The following C9orf153 variants were observed in gnomAD, a reference collection of about 807,000 sequenced individuals.
C9orf153 encodes uncharacterized protein C9orf153.
C9orf153 carries 10 observed loss-of-function variants against 9.0 expected under a neutral mutation model. The ratio of observed to expected loss-of-function variants is 1.11; its 90% confidence interval spans 0.69 to 1.89. C9orf153 has a LOEUF of 1.89. Ranked by LOEUF, C9orf153 falls within the 40% of genes most tolerant of loss-of-function variation. The pLI is 0.00. For synonymous variants in C9orf153, 35 were observed against 37.3 expected, an observed-to-expected ratio of 0.94 and a Z score of 0.23; for missense variants, 108 against 111.0, an observed-to-expected ratio of 0.97 and a Z score of 0.12.
intron 1 of C9orf153, among the ~76,000 whole-genome samples, chr9:86,257,726 C>T (rs1333048168): frequency 6.6e-6 from 1 of 152,198 alleles, no homozygotes; most frequent in Non-Finnish European, 1.5e-5. Context: ...CAATTTACTA[C>T]TGCTGATATA....
chr9:86,252,333 CCTTT>C (rs1350662143), intron 1 of C9orf153, among the ~76,000 whole-genome samples: 1 of 152,138 alleles, frequency 6.6e-6, no homozygotes, highest in African/African-American at 2.4e-5. Context: ...CACACCTGGC[CCTTT>C]ATTTGGCTTT....
chr9:86,253,005 T>A (rs1010395273), intron 1 of C9orf153, among the ~76,000 whole-genome samples: 1 of 151,856 alleles, frequency 6.6e-6, no homozygotes. Context: ...TTTTTTTTTT[T>A]AAGCTATTGG....
At chr9:86,223,718 C>T (rs1403224216) in intron 3 of C9orf153, among the ~76,000 whole-genome samples, 2 of 152,166 alleles carry the variant, frequency 1.3e-5, no homozygotes, top group African/African-American at 4.8e-5. Flanking sequence ...TAAAAGAGGA[C>T]AGAAGTGTCA....
At chr9:86,235,688 G>A (rs936192683) in intron 1 of C9orf153, among the ~76,000 whole-genome samples, 1 of 123,550 alleles carries the variant, frequency 8.1e-6, no homozygotes, top group Non-Finnish European at 1.6e-5. Context: ...GTTGCACTGA[G>A]CCAAGATCGC....
intron 1 of C9orf153, among the ~76,000 whole-genome samples, chr9:86,234,676 G>A (rs549592057): frequency 9.2e-5 from 14 of 152,258 alleles, no homozygotes; most frequent in African/African-American, 3.4e-4. Flanking sequence ...CGTATAACAC[G>A]AAAACATAAG....
At chr9:86,255,679 G>T (rs943202134) in intron 1 of C9orf153, among the ~76,000 whole-genome samples, 2 of 152,128 alleles carry the variant, frequency 1.3e-5, no homozygotes, top group African/African-American at 4.8e-5. Flanking sequence ...ACCTCAAGAT[G>T]GTATGTAAGC....
At chr9:86,256,115 C>T (rs572522968) in intron 1 of C9orf153, among the ~76,000 whole-genome samples, 4 of 152,064 alleles carry the variant, frequency 2.6e-5, no homozygotes, top group African/African-American at 7.2e-5. Flanking sequence ...GATTCTGATG[C>T]GTGAAATATC....
chr9:86,227,889 C>T lies in C9orf153; in HGVS notation c.208G>A (p.Ala70Thr), dbSNP rs73650939. Residue 70 changes from alanine (A) to threonine (T), a missense_variant, in exon 3 of 4, where the codon GCT becomes ACT. By Grantham distance (58) the Ala-to-Thr change is moderately conservative. Transcript: ENST00000339137. ...GGTTGGAGATCTCCTCTCACATCAG[C>T]GCCCCTGGTGAATGACATGACATTC... is the stretch of plus-strand genomic sequence containing the variant. ...NLNVMSFTRG[A>T]DVRGDLQPVI... 20,118 of 1,613,504 alleles carry T rather than the reference C, an allele frequency of 0.012. 1,880 individuals are homozygous for T. In the African/African-American group the frequency reaches 0.22, roughly 17 times the overall value.
chr9:86,235,450 A>C (rs1291509626), intron 1 of C9orf153, among the ~76,000 whole-genome samples: 3 of 152,154 alleles, frequency 2.0e-5, no homozygotes, highest in Non-Finnish European at 4.4e-5. Flanking sequence ...AGAACGTTCC[A>C]AACCTGAAAA....
At chr9:86,239,011 C>T (rs902591549) in intron 1 of C9orf153, among the ~76,000 whole-genome samples, 2 of 151,062 alleles carry the variant, frequency 1.3e-5, no homozygotes, top group Admixed American at 1.3e-4. Flanking sequence ...CCTGTAATCC[C>T]ACCACTTTGG....
intron 3 of C9orf153, among the ~76,000 whole-genome samples, chr9:86,226,834 T>G (rs527524967): frequency 6.6e-6 from 1 of 152,158 alleles, no homozygotes; most frequent in African/African-American, 2.4e-5. Context: ...GTGCGATCTC[T>G]GCTCACTGCA....
chr9:86,223,067 G>C (rs2131169628), intron 3 of C9orf153, among the ~76,000 whole-genome samples: 1 of 152,308 alleles, frequency 6.6e-6, no homozygotes, highest in East Asian at 1.9e-4. Context: ...GTGTTCAGCA[G>C]TCCATTCATA....
intron 3 of C9orf153, chr9:86,227,521 A>C: frequency 7.3e-7 from 1 of 1,366,232 alleles, no homozygotes; most frequent in Non-Finnish European, 9.4e-7. Flanking sequence ...TTTCTCCCAC[A>C]TGGCCTCATC....
chr9:86,231,408 G>A (rs1228469563), intron 1 of C9orf153, among the ~76,000 whole-genome samples: 1 of 152,100 alleles, frequency 6.6e-6, no homozygotes, highest in African/African-American at 2.4e-5. Flanking sequence ...TCTAGGTACA[G>A]GGTACCACTG....
At position 86,258,873 on chromosome 9, in the gene C9orf153, G is replaced by A. The variant is rs546623162; in HGVS notation, c.-27+677C>T. Among the ~76,000 whole-genome samples, 19 of 150,938 alleles carry A rather than the reference G, an allele frequency of 1.3e-4. No homozygotes were observed. The East Asian group carries it at 1.7e-3, about 14-fold the overall frequency. The stretch of plus-strand genomic sequence containing the variant: ...TTTACTACTTATGTTTGTGTGGTAC[G>A]TTTGTTATACTTGATGAGCCGGTAT... On this transcript the variant is annotated intron_variant, in intron 1 of 3. Transcript: ENST00000339137.
chr9:86,240,300 T>C (rs1444741698), intron 1 of C9orf153, among the ~76,000 whole-genome samples: 1 of 152,092 alleles, frequency 6.6e-6, no homozygotes, highest in Non-Finnish European at 1.5e-5. Flanking sequence ...CACAGTTTTA[T>C]ATATTATGCT....
At chr9:86,240,760 G>T (rs1238129042) in intron 1 of C9orf153, among the ~76,000 whole-genome samples, 1 of 130,272 alleles carries the variant, frequency 7.7e-6, no homozygotes, top group African/African-American at 2.7e-5. Context: ...CCAGGCTAAA[G>T]TGCAGTGGTA....
chr9:86,225,665 T>G (rs1457464445), intron 3 of C9orf153, among the ~76,000 whole-genome samples: 1 of 152,138 alleles, frequency 6.6e-6, no homozygotes, highest in African/African-American at 2.4e-5. Flanking sequence ...TTCACCATGT[T>G]GTCCAGACAG....
intron 1 of C9orf153, among the ~76,000 whole-genome samples, chr9:86,238,893 T>A (rs1423523324): frequency 6.6e-6 from 1 of 151,750 alleles, no homozygotes; most frequent in African/African-American, 2.4e-5. Context: ...AGGAAATTTT[T>A]AAAATAATAT....
Sources: allele counts gnomAD v4.1 joint callset (sites outside exome capture counted in the v4.1 genomes callset), GRCh38; gene constraint gnomAD v4.1.1; transcripts MANE v1.5; gene names NCBI Gene and HGNC (gene_info 2026-07-23, HGNC 2026-07-21).